DRC3: variants seen among roughly 807,000 people sequenced by gnomAD.
DRC3 encodes dynein regulatory complex subunit 3, also known as leucine rich repeat containing 48.
Under a neutral mutation model 57.6 loss-of-function variants are expected in DRC3, and 45 were observed. The observed-to-expected ratio is 0.78, with a 90% CI of 0.62 to 1.00. The LOEUF is 1.00. Ranked by LOEUF, DRC3 falls within the 50% of genes least tolerant of loss-of-function variation. DRC3 has a pLI of 0.00. For synonymous variants in DRC3, 257 were observed against 272.3 expected (o/e 0.94, Z 0.55); for missense variants, 655 against 675.2 (o/e 0.97, Z 0.33).
At chr17:17,999,387 A>G (rs1271771948) in intron 9 of DRC3, among the ~76,000 whole-genome samples, 2 of 152,214 alleles carry the variant, frequency 1.3e-5, no homozygotes, top group East Asian at 3.8e-4. Flanking sequence ...GGCCTGGCAC[A>G]GGGATTTTCC....
rs1357704317 is a variant in DRC3 at position 18,007,152 on chromosome 17, G to T, written c.1326+5G>T. On this transcript the variant is annotated splice_donor_5th_base_variant and intron_variant, in intron 12 of 13. Coordinates refer to ENST00000399187, the MANE Select transcript of DRC3 (RefSeq NM_031294.4). ...CTGCCTAACGACCTGCGCGCGGTAG[G>T]CGGGGCGGGCTGCTCGGAGCCTGAC... 1 of 939,978 alleles carries T rather than the reference G, an allele frequency of 1.1e-6. No individual in the cohort carries two copies. The highest frequency in any genetic ancestry group is 2.6e-5 in the Admixed American group (1 of 37,864). 58.2% of individuals were successfully genotyped at this position (939,978 alleles called of 1,614,324 possible). A position where few individuals can be genotyped will look rare whatever the true frequency, so the allele number is the denominator to read the frequency against.
Position 18,016,593 on chromosome 17 carries a change from C to T in DRC3, c.1494C>T (p.Arg498=), listed in dbSNP as rs763917499. ...HKDEIMRNRK[R]VKEINQYIDH... ...ATGAGATCATGAGGAACCGCAAGCG[C>T]GTGAAGGAGATCAATCAGTACATCG... Residue 498 remains arginine, a synonymous_variant, in exon 14 of 14, where the codon CGC becomes CGT. Coordinates refer to ENST00000399187, the MANE Select transcript of DRC3 (RefSeq NM_031294.4). 16 of 1,613,698 alleles carry T rather than the reference C, an allele frequency of 9.9e-6. No individual in the cohort carries two copies. In the South Asian group the frequency reaches 1.4e-4, roughly 14 times the overall value.
chr17:18,016,868 A>T lies in DRC3; in HGVS notation c.*197A>T. On this transcript the variant is annotated 3_prime_UTR_variant, in exon 14 of 14. Transcript: ENST00000399187. ...AAAGGACTCATTTCACATTTCCCCT[A>T]CTCATAAAAAAAAAAAAAAAATCAG... is the stretch of plus-strand genomic sequence containing the variant. 2.5e-6 allele frequency: 1 copy of T among 398,480 alleles called. No homozygotes were observed. Among genetic ancestry groups the T allele is most frequent in the South Asian group, 3.8e-5 (1 of 26,070 alleles). The allele number at this position is 398,480 out of a possible 1,614,324, so 24.7% of individuals were successfully genotyped here.
At position 17,977,677 on chromosome 17, in the gene DRC3, C is replaced by A. The variant is rs1254961725; in HGVS notation, c.79C>A (p.Pro27Thr). ...MLKLAVGDQG[P>T]QEEAGQLAKQ... ...CAAGCTGGCCGTCGGGGACCAGGGC[C>A]CCCAGGAGGAGGCCGGGCAGCTGGC... The change falls in exon 3 of 14, where the codon CCC (proline) becomes ACC (threonine). Residue 27 changes from proline to threonine, a missense_variant. Coordinates refer to ENST00000399187, the MANE Select transcript of DRC3 (RefSeq NM_031294.4). 2 of 1,613,882 alleles carry A rather than the reference C, an allele frequency of 1.2e-6. No homozygotes were observed. The highest frequency in any genetic ancestry group is 2.2e-5 in the East Asian group (1 of 44,866).
At chr17:17,979,643 A>G (rs2042558601) in intron 3 of DRC3, among the ~76,000 whole-genome samples, 1 of 152,148 alleles carries the variant, frequency 6.6e-6, no homozygotes, top group African/African-American at 2.4e-5. Flanking sequence ...CACCTGGGAA[A>G]AAGCCGGCAT....
intron 5 of DRC3, among the ~76,000 whole-genome samples, chr17:17,990,268 A>G (rs990355452): frequency 2.0e-5 from 3 of 152,210 alleles, no homozygotes; most frequent in Non-Finnish European, 4.4e-5. Flanking sequence ...AGTTGTCACT[A>G]GCAGTTCCGT....
chr17:17,994,236 T>A (rs570858845), intron 6 of DRC3, 63 bp from the exon 7 acceptor site: 1 of 1,541,236 alleles, frequency 6.5e-7, no homozygotes, highest in African/African-American at 1.4e-5. Flanking sequence ...AGAGGCGGCA[T>A]GGCAGAGGCG....
intron 12 of DRC3, among the ~76,000 whole-genome samples, chr17:18,009,900 A>G (rs1403624268): frequency 6.6e-6 from 1 of 152,192 alleles, no homozygotes; most frequent in Non-Finnish European, 1.5e-5. Flanking sequence ...TTGAGAGGAA[A>G]AGCAGAACGT....
rs565776542 is a variant in DRC3 at position 17,997,641 on chromosome 17, C to T, written c.999+7C>T. 4 of 1,590,286 alleles carry T rather than the reference C, an allele frequency of 2.5e-6. No homozygotes were observed. Among genetic ancestry groups the T allele is most frequent in the African/African-American group, 2.7e-5 (2 of 74,184 alleles). ...CGAGGAGAAGCACTTGTCGGTAGGC[C>T]CCGAGCCTCCTGAGGCCCTCCCTGT... is the stretch of plus-strand genomic sequence containing the variant. On this transcript the variant is annotated splice_region_variant and intron_variant, in intron 9 of 13. Coordinates refer to ENST00000399187, the MANE Select transcript of DRC3 (RefSeq NM_031294.4).
At chr17:18,015,383 G>A (rs12602295) in intron 12 of DRC3, 8 of 152,264 alleles carry the variant, frequency 5.3e-5, no homozygotes, top group African/African-American at 1.9e-4. Flanking sequence ...GAGTGCTTCA[G>A]TGGCCTTGCC....
At chr17:17,998,592 G>C (rs1283664800) in intron 9 of DRC3, among the ~76,000 whole-genome samples, 1 of 152,142 alleles carries the variant, frequency 6.6e-6, no homozygotes, top group Non-Finnish European at 1.5e-5. Context: ...GCCCTTCCTT[G>C]TTGTGAACTT....
At chr17:17,985,584 G>T (rs1339784587) in intron 4 of DRC3, among the ~76,000 whole-genome samples, 1 of 152,196 alleles carries the variant, frequency 6.6e-6, no homozygotes, top group Non-Finnish European at 1.5e-5. Flanking sequence ...ATGTGCTGGA[G>T]CTGGCTAGCC....
chr17:17,986,704 T>TC lies in DRC3; in HGVS notation c.278-1222dup, dbSNP rs1054816962. Reference sequence around the variant, plus strand: ...TCTGGAACTCCTGACCCCCAAGTGATCCCCCCGCCTCGGCCTCCCAGAGTG... The same window carrying TC: ...TCTGGAACTCCTGACCCCCAAGTGATCCCCCCCGCCTCGGCCTCCCAGAGTG... On this transcript the variant is annotated intron_variant, in intron 4 of 13. Transcript: ENST00000399187. Among the ~76,000 whole-genome samples, 14 of 151,780 alleles carry TC rather than the reference T, an allele frequency of 9.2e-5. No homozygotes were observed. The South Asian group carries it at 1.2e-3, about 14-fold the overall frequency.
At chr17:17,994,056 G>T (rs927110609) in intron 6 of DRC3, 4 of 436,354 alleles carry the variant, frequency 9.2e-6, no homozygotes, top group Admixed American at 3.7e-5. Flanking sequence ...AGCCTGCCAC[G>T]CTGCCTTCCG....
chr17:18,001,703 G>C (rs556304651), intron 9 of DRC3, among the ~76,000 whole-genome samples: 1 of 152,062 alleles, frequency 6.6e-6, no homozygotes, highest in African/African-American at 2.4e-5. Flanking sequence ...AGCTGTGGCA[G>C]GAAGATCGCT....
intron 3 of DRC3, among the ~76,000 whole-genome samples, chr17:17,982,405 C>T (rs1203746997): frequency 6.6e-6 from 1 of 151,178 alleles, no homozygotes; most frequent in African/African-American, 2.4e-5. Flanking sequence ...TTAGGAGAGA[C>T]AGGGTTTCAC....
intron 3 of DRC3, among the ~76,000 whole-genome samples, chr17:17,980,308 G>C (rs1393164110): frequency 1.3e-5 from 2 of 151,164 alleles, no homozygotes; most frequent in Non-Finnish European, 2.9e-5. Context: ...TAGAGACGGA[G>C]TCTCGCTCTG....
At chr17:18,007,703 A>C in intron 12 of DRC3, 2 of 1,282,492 alleles carry the variant, frequency 1.6e-6, no homozygotes, top group Admixed American at 6.9e-5. Context: ...GTCCCGCGGC[A>C]GCATGTCTAT....
chr17:17,999,787 T>A (rs1256685500), intron 9 of DRC3, among the ~76,000 whole-genome samples: 1 of 152,162 alleles, frequency 6.6e-6, no homozygotes, highest in Non-Finnish European at 1.5e-5. Flanking sequence ...TGGAGCAGAG[T>A]CAGCCCAAAA....
Sources: allele counts gnomAD v4.1 joint callset (sites outside exome capture counted in the v4.1 genomes callset), GRCh38; gene constraint gnomAD v4.1.1; transcripts MANE v1.5; gene names NCBI Gene and HGNC (gene_info 2026-07-23, HGNC 2026-07-21).